TMEM132B: variants seen among roughly 807,000 people sequenced by gnomAD.
The protein encoded by TMEM132B is transmembrane protein 132B.
In TMEM132B, 18 loss-of-function variants were observed where a neutral mutation model predicts 90.8. That is an observed-to-expected ratio of 0.20 (90% CI 0.14 to 0.29). The LOEUF (loss-of-function observed/expected upper bound fraction) is 0.29. Among genes scored for constraint, TMEM132B ranks in the 10% least tolerant of loss-of-function variants. The probability of loss-of-function intolerance (pLI) is 1.00; values close to 1 mark genes in which losing one functional copy is unlikely to be tolerated. For synonymous variants in TMEM132B, 504 were observed against 523.3 expected, an observed-to-expected ratio of 0.96 and a Z score of 0.50; for missense variants, 1,096 against 1,326.8, an observed-to-expected ratio of 0.83 and a Z score of 2.70.
chr12:125,539,093 C>T (rs1883888689), intron 4 of TMEM132B, among the ~76,000 whole-genome samples: 1 of 152,184 alleles, frequency 6.6e-6, no homozygotes, highest in Admixed American at 6.5e-5. Context: ...GCCAGGCCCT[C>T]TATTTAATTC....
intron 5 of TMEM132B, among the ~76,000 whole-genome samples, chr12:125,637,742 A>G (rs1593037023): frequency 1.3e-5 from 2 of 152,350 alleles, no homozygotes; most frequent in East Asian, 3.9e-4. Context: ...ATACTTGTGA[A>G]AAAAGCCAGA....
intron 4 of TMEM132B, among the ~76,000 whole-genome samples, chr12:125,529,336 A>G (rs1194419457): frequency 6.6e-6 from 1 of 152,138 alleles, no homozygotes; most frequent in Non-Finnish European, 1.5e-5. Flanking sequence ...GGCTCAAGCA[A>G]TCCTTCCACT....
intron 3 of TMEM132B, among the ~76,000 whole-genome samples, chr12:125,455,306 T>C (rs775644836): frequency 2.0e-5 from 3 of 152,160 alleles, no homozygotes; most frequent in Non-Finnish European, 2.9e-5. Flanking sequence ...ACCGAGGGGC[T>C]TAGTTCGAGG....
intron 4 of TMEM132B, among the ~76,000 whole-genome samples, chr12:125,566,835 CTTTTTTTTTTTTTTTTTTT>C (rs869196346): frequency 3.8e-5 from 3 of 78,738 alleles, no homozygotes; most frequent in Admixed American, 1.5e-4. Flanking sequence ...TCTTCTTCTT[CTTTTTTTTTTTTTTTTTTT>C]TTTTTTTTAG....
intron 3 of TMEM132B, among the ~76,000 whole-genome samples, chr12:125,507,526 A>G (rs4765046): frequency 0.1 from 15,473 of 152,120 alleles, 1,269 homozygotes; most frequent in Admixed American, 0.27. Flanking sequence ...TGTTGAGTTT[A>G]GTCCTGAAGG....
intron 3 of TMEM132B, among the ~76,000 whole-genome samples, chr12:125,503,558 G>A (rs1882752757): frequency 6.6e-6 from 1 of 152,184 alleles, no homozygotes; most frequent in African/African-American, 2.4e-5. Flanking sequence ...TGTGCAGTGA[G>A]CATTGGGCAA....
chr12:125,258,689 G>A (rs1327240411), intron 1 of TMEM132B, among the ~76,000 whole-genome samples: 1 of 152,198 alleles, frequency 6.6e-6, no homozygotes, highest in African/African-American at 2.4e-5. Flanking sequence ...TTGGTGGGAA[G>A]AATGACAAGA....
intron 1 of TMEM132B, among the ~76,000 whole-genome samples, chr12:125,333,685 C>T (rs1194514773): frequency 2.0e-5 from 3 of 152,156 alleles, no homozygotes; most frequent in Non-Finnish European, 4.4e-5. Context: ...CCCTGCTGAT[C>T]TAGCTGATTA....
intron 2 of TMEM132B, among the ~76,000 whole-genome samples, chr12:125,396,105 A>G (rs561006757): frequency 1.3e-5 from 2 of 152,344 alleles, no homozygotes; most frequent in South Asian, 4.1e-4. Flanking sequence ...TCAGCCCAGC[A>G]TGAACTACCT....
chr12:125,493,949 C>T (rs1306886029), intron 3 of TMEM132B, among the ~76,000 whole-genome samples: 1 of 144,612 alleles, frequency 6.9e-6, no homozygotes, highest in Non-Finnish European at 1.5e-5. Flanking sequence ...CCTCCTCCCC[C>T]TCCTCCCTGG....
intron 1 of TMEM132B, among the ~76,000 whole-genome samples, chr12:125,315,891 G>T (rs981650907): frequency 5.3e-5 from 8 of 152,206 alleles, no homozygotes; most frequent in Non-Finnish European, 1.0e-4. Context: ...TGCTCTGGAG[G>T]TGGTTGTAAT....
chr12:125,586,713 C>T (rs1885187255), intron 5 of TMEM132B: 1 of 152,180 alleles, frequency 6.6e-6, no homozygotes, highest in African/African-American at 2.4e-5. Flanking sequence ...CGCGGTATCA[C>T]AGTGCTTGTG....
intron 3 of TMEM132B, among the ~76,000 whole-genome samples, chr12:125,517,196 T>C (rs1420869594): frequency 6.6e-6 from 1 of 151,738 alleles, no homozygotes; most frequent in Non-Finnish European, 1.5e-5. Context: ...AGTTTCGCAC[T>C]TTCACCCAGG....
At chr12:125,594,369 G>A (rs1485262857) in intron 5 of TMEM132B, among the ~76,000 whole-genome samples, 2 of 152,314 alleles carry the variant, frequency 1.3e-5, no homozygotes, top group East Asian at 3.9e-4. Context: ...ATTGAAGCCA[G>A]CCTTTGTCTG....
chr12:125,224,713 C>G (rs1266917073), intron 1 of TMEM132B, among the ~76,000 whole-genome samples: 2 of 152,246 alleles, frequency 1.3e-5, no homozygotes, highest in African/African-American at 4.8e-5. Context: ...AACTGAATAT[C>G]TGATGCCATT....
At chr12:125,511,289 C>T (rs1395435759) in intron 3 of TMEM132B, among the ~76,000 whole-genome samples, 2 of 152,108 alleles carry the variant, frequency 1.3e-5, no homozygotes, top group Non-Finnish European at 2.9e-5. Context: ...TTTGTTGATC[C>T]ATTCATTGCT....
At chr12:125,516,575 G>A (rs1883168148) in intron 3 of TMEM132B, among the ~76,000 whole-genome samples, 2 of 152,250 alleles carry the variant, frequency 1.3e-5, no homozygotes, top group South Asian at 4.1e-4. Flanking sequence ...AAATTGGAGA[G>A]GAGCAGGACG....
chr12:125,397,133 G>A (rs374738063), intron 2 of TMEM132B, among the ~76,000 whole-genome samples: 2 of 151,820 alleles, frequency 1.3e-5, no homozygotes, highest in Non-Finnish European at 2.9e-5. Flanking sequence ...CACCAGGCCC[G>A]GCTAATTTTT....
chr12:125,195,186 C>CT (rs530856051), intron 1 of TMEM132B, among the ~76,000 whole-genome samples: 75 of 152,190 alleles, frequency 4.9e-4, no homozygotes, highest in Non-Finnish European at 9.6e-4. Context: ...TGCACCTGCA[C>CT]TGTGCCAGCC....
Sources: allele counts gnomAD v4.1 joint callset (sites outside exome capture counted in the v4.1 genomes callset), GRCh38; gene constraint gnomAD v4.1.1; transcripts MANE v1.5; gene names NCBI Gene and HGNC (gene_info 2026-07-23, HGNC 2026-07-21).